The following GTF2A1L variants were observed in gnomAD, a reference collection of about 807,000 sequenced individuals.
GTF2A1L encodes the protein TFIIA-alpha and beta-like factor.
A neutral mutation model predicts 49.7 loss-of-function variants in GTF2A1L; 48 were observed. The observed-to-expected ratio is 0.97, with a 90% CI of 0.77 to 1.23. GTF2A1L has a LOEUF of 1.23. Among genes scored for constraint, GTF2A1L ranks in the 50% most tolerant of loss-of-function variants. GTF2A1L has a pLI of 0.00. For synonymous variants in GTF2A1L, 246 were observed against 193.5 expected (o/e 1.27, Z -2.25); for missense variants, 736 against 564.8 (o/e 1.30, Z -3.07).
intron 3 of GTF2A1L, among the ~76,000 whole-genome samples, chr2:48,638,210 C>G (rs772716196): frequency 6.6e-6 from 1 of 152,156 alleles, no homozygotes; most frequent in Non-Finnish European, 1.5e-5. Flanking sequence ...GGAGGAAGGA[C>G]TCCTCCCCAG....
At chr2:48,655,723 C>A (rs1298913588) in intron 6 of GTF2A1L, among the ~76,000 whole-genome samples, 2 of 152,106 alleles carry the variant, frequency 1.3e-5, no homozygotes, top group African/African-American at 4.8e-5. Flanking sequence ...ATTATTTTTA[C>A]AATTTTTAAC....
intron 6 of GTF2A1L, among the ~76,000 whole-genome samples, chr2:48,660,187 G>T (rs1049109664): frequency 2.6e-5 from 4 of 151,964 alleles, no homozygotes; most frequent in African/African-American, 9.7e-5. Context: ...ATATCTATTT[G>T]CCAGTATTTT....
chr2:48,645,744 G>T (rs1336567102), intron 5 of GTF2A1L, among the ~76,000 whole-genome samples: 5 of 152,178 alleles, frequency 3.3e-5, no homozygotes, highest in Non-Finnish European at 7.3e-5. Context: ...CGCCTCCTGG[G>T]TTCACGCCAT....
intron 3 of GTF2A1L, among the ~76,000 whole-genome samples, chr2:48,629,788 T>G (rs964709355): frequency 2.1e-5 from 3 of 144,520 alleles, no homozygotes; most frequent in Non-Finnish European, 4.7e-5. Flanking sequence ...CTTGAGTTAA[T>G]TTTTGTATGT....
chr2:48,663,313 G>A (rs1003276379), intron 6 of GTF2A1L, among the ~76,000 whole-genome samples: 46 of 152,112 alleles, frequency 3.0e-4, no homozygotes, highest in African/African-American at 8.9e-4. Context: ...GTGCCCTCTT[G>A]TAGTTCCAGC....
intron 3 of GTF2A1L, among the ~76,000 whole-genome samples, chr2:48,625,213 C>T (rs1017053356): frequency 1.5e-4 from 22 of 143,988 alleles, no homozygotes; most frequent in African/African-American, 5.4e-4. Context: ...TGTACTCTCA[C>T]CAACACTTGT....
At chr2:48,638,894 T>C (rs1277212411) in intron 3 of GTF2A1L, among the ~76,000 whole-genome samples, 3 of 152,086 alleles carry the variant, frequency 2.0e-5, no homozygotes, top group Non-Finnish European at 4.4e-5. Flanking sequence ...CAAAAATCAA[T>C]GTACAAAAAT....
intron 3 of GTF2A1L, among the ~76,000 whole-genome samples, chr2:48,621,914 A>G (rs553542604): frequency 1.0e-3 from 157 of 152,350 alleles, no homozygotes; most frequent in Middle Eastern, 3.4e-3. Flanking sequence ...ATAAAACTTA[A>G]GAGTTTTCTA....
chr2:48,635,356 A>C (rs983955939), intron 3 of GTF2A1L, among the ~76,000 whole-genome samples: 1 of 152,164 alleles, frequency 6.6e-6, no homozygotes, highest in Admixed American at 6.5e-5. Context: ...ACCCTTCTGC[A>C]GCATGATCTC....
rs1437199764 is a variant in GTF2A1L at position 48,646,954 on chromosome 2, A to G, written c.890A>G (p.His297Arg). The G allele has an allele frequency of 3.7e-6, 6 of 1,614,060 alleles. No individual in the cohort carries two copies. The highest frequency in any genetic ancestry group is 1.3e-5 in the African/African-American group (1 of 74,924). The change falls in exon 6 of 9, where the codon CAT becomes CGT. Residue 297 changes from histidine (H) to arginine (R), a missense_variant. Transcript: ENST00000403751. ...CAGCACGTGACTGATATTCAGCTTC[A>G]TATTCTTAAAAATAGGATGTATGGA... ...LHQHVTDIQL[H>R]ILKNRMYGCD...
chr2:48,655,322 T>C (rs1678109768), intron 6 of GTF2A1L, among the ~76,000 whole-genome samples: 1 of 152,078 alleles, frequency 6.6e-6, no homozygotes, highest in Non-Finnish European at 1.5e-5. Context: ...TTGCATTGCA[T>C]TTTTAAAAAT....
chr2:48,637,799 G>T (rs1676987387), intron 3 of GTF2A1L, among the ~76,000 whole-genome samples: 1 of 151,660 alleles, frequency 6.6e-6, no homozygotes. Flanking sequence ...TGACCCCACA[G>T]AAATAAAAAT....
chr2:48,665,691 A>G (rs566588236), intron 6 of GTF2A1L, among the ~76,000 whole-genome samples: 9 of 152,076 alleles, frequency 5.9e-5, no homozygotes, highest in Non-Finnish European at 1.0e-4. Flanking sequence ...TATACTTTAT[A>G]TATTTTAAAT....
rs776781214 is a variant in GTF2A1L, at chr2:48,646,719, G to A, written c.655G>A (p.Val219Ile). Residue 219 changes from valine (V) to isoleucine (I), a missense_variant, in exon 6 of 9, where the codon GTA becomes ATA. Val to Ile is a conservative substitution (Grantham distance 29). Transcript: ENST00000403751. Reference sequence around the variant, plus strand: ...AGAAAATGCCACCAGTGATATACTTGTATCTCCTGGAAATGAGCATAAAAT... The same window carrying A: ...AGAAAATGCCACCAGTGATATACTTATATCTCCTGGAAATGAGCATAAAAT... ...HLENATSDILVSPGNEHKIVP... is the reference protein window; with the variant it reads ...HLENATSDILISPGNEHKIVP... The A allele has an allele frequency of 1.9e-6, 3 of 1,614,192 alleles. No homozygotes were observed. The highest frequency in any genetic ancestry group is 2.5e-6 in the Non-Finnish European group (3 of 1,180,034).
At chr2:48,673,386 G>A (rs1228877119) in intron 8 of GTF2A1L, among the ~76,000 whole-genome samples, 1 of 115,538 alleles carries the variant, frequency 8.7e-6, no homozygotes, top group Non-Finnish European at 1.7e-5. Context: ...TTTTTGAGAT[G>A]GAGTCTGGCT....
rs1027660297 is a variant in GTF2A1L, at chr2:48,633,657, T to C, written c.248-8745T>C. On this transcript the variant is annotated intron_variant, in intron 3 of 8. Transcript: ENST00000403751. ...TTCTGTAGATGTCCATGAGGTCCAATTGGTCAAGTTTAAATTCATAATTTC... is the reference window on the plus strand; with the variant it reads ...TTCTGTAGATGTCCATGAGGTCCAACTGGTCAAGTTTAAATTCATAATTTC... Among the ~76,000 whole-genome samples, 42 of 152,158 alleles carry C rather than the reference T, an allele frequency of 2.8e-4. 1 individual carries two copies. Among genetic ancestry groups the C allele is most frequent in the African/African-American group, 8.7e-4 (36 of 41,434 alleles).
At chr2:48,636,292 T>C (rs1260953497) in intron 3 of GTF2A1L, among the ~76,000 whole-genome samples, 1 of 152,260 alleles carries the variant, frequency 6.6e-6, no homozygotes, top group Admixed American at 6.5e-5. Context: ...AGAAATGCTT[T>C]ATCCTTCTAT....
Position 48,671,553 on chromosome 2 carries a change from T to A in GTF2A1L, c.1240-38T>A, listed in dbSNP as rs760395102. 35 of 1,589,538 alleles carry A rather than the reference T, an allele frequency of 2.2e-5. No individual in the cohort carries two copies. In the Middle Eastern group the frequency reaches 6.7e-4, roughly 30 times the overall value. ...CTTTATCTTTAAACAATTTAAAGCATCATAAAATTCCTTAATGTGATCATC... is the reference window on the plus strand; with the variant it reads ...CTTTATCTTTAAACAATTTAAAGCAACATAAAATTCCTTAATGTGATCATC... On this transcript the variant is annotated intron_variant, in intron 7 of 8. Transcript: ENST00000403751.
chr2:48,651,436 CTTTTTT>C (rs397984530), intron 6 of GTF2A1L, among the ~76,000 whole-genome samples: 4 of 130,854 alleles, frequency 3.1e-5, no homozygotes, highest in Non-Finnish European at 5.0e-5. Context: ...GTTGTGAGTT[CTTTTTT>C]TTTTTTTTTT....
Sources: gnomAD v4.1 joint callset for allele counts (sites outside exome capture counted in the v4.1 genomes callset) on GRCh38, gnomAD v4.1.1 for gene constraint, MANE v1.5 for transcripts, NCBI Gene and HGNC (gene_info 2026-07-23, HGNC 2026-07-21) for gene names.